The following SLC37A1 variants were observed in gnomAD, a reference collection of about 807,000 sequenced individuals.
The protein encoded by SLC37A1 is solute carrier family 37 member 1.
A neutral mutation model predicts 75.3 loss-of-function variants in SLC37A1; 49 were observed. The observed-to-expected ratio is 0.65, with a 90% confidence interval of 0.52 to 0.83. The LOEUF (loss-of-function observed/expected upper bound fraction) is 0.83, where lower values mean the gene tolerates loss of function less well. Ranked by LOEUF, SLC37A1 falls within the 40% of genes least tolerant of loss-of-function variation. The probability of loss-of-function intolerance (pLI) is 0.00; values close to 1 mark genes in which losing one functional copy is unlikely to be tolerated. For missense variants in SLC37A1, 566 were observed against 695.0 expected (o/e 0.81, Z 2.09); for synonymous variants, 268 against 292.1 (o/e 0.92, Z 0.84).
At chr21:42,579,915 T>C (rs1047741439) in intron 19 of SLC37A1, 115 bp downstream of exon 19, 8 of 934,364 alleles carry the variant, frequency 8.6e-6, no homozygotes, top group African/African-American at 6.5e-5. Flanking sequence ...GTGGCTTATC[T>C]TTTCACGGCA....
At chr21:42,517,962 G>A (rs2054554027) in intron 1 of SLC37A1, among the ~76,000 whole-genome samples, 1 of 152,148 alleles carries the variant, frequency 6.6e-6, no homozygotes, top group African/African-American at 2.4e-5. Flanking sequence ...ACACATACTT[G>A]GTTTTGTGAA....
Position 42,548,004 on chromosome 21 carries a change from G to A in SLC37A1, c.768+864G>A, listed in dbSNP as rs534251421. On this transcript the variant is annotated intron_variant, in intron 9 of 19. Transcript: ENST00000352133. This position sits in a 1 kb window ranked among gnomAD's most constrained non-coding sequence, Gnocchi z 5.6. ...CCTCACCCTGCTGGGCCCGTCGCCC[G>A]CGTCTGACCCAATGCTTCCCTCCCT... Among the ~76,000 whole-genome samples the A allele has an allele frequency of 1.3e-5, 2 of 152,108 alleles. No individual in the cohort carries two copies. Among genetic ancestry groups the A allele is most frequent in the Non-Finnish European group, 2.9e-5 (2 of 68,004 alleles).
rs770686952 is a variant in SLC37A1, at chr21:42,534,802, T to C, written c.243T>C (p.Asn81=). ...CTGCCCCCCACCAGCTCCCTGACAATGAGACCGACTGTGGCTGGGCACCGT... is the reference window on the plus strand; with the variant it reads ...CTGCCCCCCACCAGCTCCCTGACAACGAGACCGACTGTGGCTGGGCACCGT... ...GSAAPHQLPD[N]ETDCGWAPFD... is the part of the protein sequence containing the mutation. The change falls in exon 4 of 20, where the codon AAT becomes AAC. Residue 81 remains asparagine (N), a synonymous_variant. Coordinates refer to ENST00000352133, the MANE Select transcript of SLC37A1 (RefSeq NM_001320537.2). 4 of 1,613,830 alleles carry C rather than the reference T, an allele frequency of 2.5e-6. No individual in the cohort carries two copies. Among genetic ancestry groups the C allele is most frequent in the Non-Finnish European group, 3.4e-6 (4 of 1,179,900 alleles).
At chr21:42,575,636 C>T (rs2056292250) in intron 18 of SLC37A1, 2 of 985,520 alleles carry the variant, frequency 2.0e-6, no homozygotes, top group Non-Finnish European at 2.4e-6. Flanking sequence ...ACAAAGTCCC[C>T]AGACCCACAG....
In SLC37A1 at chr21:42,539,621, A is replaced by G. The variant is rs1360302321; in HGVS notation, c.460A>G (p.Ser154Gly). The change falls in exon 6 of 20, where the codon AGT becomes GGT. Residue 154 changes from serine (S) to glycine (G), a missense_variant. Coordinates refer to ENST00000352133, the MANE Select transcript of SLC37A1 (RefSeq NM_001320537.2). Reference sequence around the variant, plus strand: ...CTTAGGGTATTTCTACAACATCCACAGTTTCGGATTCTACGTGGTAACTCA... The same window carrying G: ...CTTAGGGTATTTCTACAACATCCACGGTTTCGGATTCTACGTGGTAACTCA... ...FGLGYFYNIH[S>G]FGFYVVTQVI... 1.2e-6 allele frequency: 2 copies of G among 1,613,698 alleles called. No individual in the cohort carries two copies. Among genetic ancestry groups the G allele is most frequent in the African/African-American group, 2.7e-5 (2 of 75,020 alleles).
chr21:42,547,420 G>A lies in SLC37A1; in HGVS notation c.768+280G>A, dbSNP rs890944471. Reference sequence around the variant, plus strand: ...CTGGGCCCTGGCCAGGCCTCCTCAGGAGTGGAGACCTCCTGGTTTCCCCAG... The same window carrying A: ...CTGGGCCCTGGCCAGGCCTCCTCAGAAGTGGAGACCTCCTGGTTTCCCCAG... On this transcript the variant is annotated intron_variant, in intron 9 of 19. Transcript: ENST00000352133. The surrounding 1 kb of genome is among the most constrained non-coding windows in gnomAD (Gnocchi z 6.1). The A allele has an allele frequency of 2.6e-6, 1 of 386,242 alleles. No individual in the cohort carries two copies. Among genetic ancestry groups the A allele is most frequent in the African/African-American group, 2.1e-5 (1 of 48,690 alleles). The allele number at this position is 386,242 out of a possible 1,614,324, so 23.9% of individuals were successfully genotyped here.
intron 6 of SLC37A1, among the ~76,000 whole-genome samples, chr21:42,541,843 G>C (rs1412056440): frequency 6.6e-6 from 1 of 152,178 alleles, no homozygotes; most frequent in Non-Finnish European, 1.5e-5. Flanking sequence ...CCAGGCTCAA[G>C]CAATCCTCCC....
chr21:42,521,073 C>G (rs549124664), intron 2 of SLC37A1, among the ~76,000 whole-genome samples: 1 of 152,268 alleles, frequency 6.6e-6, no homozygotes, highest in South Asian at 2.1e-4. Flanking sequence ...TGCAGGGTAC[C>G]CAGCGCAGGC....
chr21:42,556,987 G>A (rs2146957062), intron 10 of SLC37A1, among the ~76,000 whole-genome samples: 1 of 152,316 alleles, frequency 6.6e-6, no homozygotes, highest in Non-Finnish European at 1.5e-5. Context: ...TGTGTCTGTG[G>A]CTTTAAACCA....
intron 3 of SLC37A1, among the ~76,000 whole-genome samples, chr21:42,534,041 G>A (rs1163300798): frequency 6.6e-6 from 1 of 152,144 alleles, no homozygotes; most frequent in Non-Finnish European, 1.5e-5. Flanking sequence ...TGCCCATAGG[G>A]GTAGTCATCC....
intron 13 of SLC37A1, 41 bp downstream of exon 13, chr21:42,563,918 G>A (rs370230370): frequency 5.6e-5 from 90 of 1,607,834 alleles, no homozygotes; most frequent in Non-Finnish European, 6.5e-5. Context: ...CAATAATTTC[G>A]CAAGGCGCAT....
At chr21:42,562,006 ACT>A (rs1185726790) in intron 11 of SLC37A1, 70 bp from the exon 12 acceptor site, 6 of 1,241,094 alleles carry the variant, frequency 4.8e-6, no homozygotes, top group Non-Finnish European at 7.1e-6. Flanking sequence ...GTCATATTTA[ACT>A]CTGTTGCATG....
intron 7 of SLC37A1, 138 bp downstream of exon 7, chr21:42,542,618 A>G: frequency 3.7e-6 from 3 of 818,422 alleles, no homozygotes; most frequent in Non-Finnish European, 5.7e-6. Context: ...TGGGGCTTGA[A>G]TTGCTGAAAT....
At chr21:42,543,740 C>A (rs2055341308) in intron 8 of SLC37A1, 138 bp downstream of exon 8, 5 of 796,590 alleles carry the variant, frequency 6.3e-6, no homozygotes, top group Non-Finnish European at 9.5e-6. Flanking sequence ...GCTCTTCTTA[C>A]CAGGGAGACT....
At chr21:42,530,053 A>AT (rs890914942) in intron 3 of SLC37A1, among the ~76,000 whole-genome samples, 53 of 152,328 alleles carry the variant, frequency 3.5e-4, no homozygotes, top group African/African-American at 1.2e-3. Context: ...GGAAAAAAAA[A>AT]CAATGCTGGA....
intron 2 of SLC37A1, among the ~76,000 whole-genome samples, chr21:42,507,110 T>G (rs2054390685): frequency 6.6e-6 from 1 of 152,196 alleles, no homozygotes; most frequent in South Asian, 2.1e-4. Flanking sequence ...CTTGAACTCG[T>G]GAGCTCAGGC....
chr21:42,574,220 C>T (rs1445295903), intron 17 of SLC37A1, among the ~76,000 whole-genome samples: 2 of 152,198 alleles, frequency 1.3e-5, no homozygotes, highest in Non-Finnish European at 2.9e-5. Flanking sequence ...ATATTAGTAT[C>T]TACAATTCTT....
intron 3 of SLC37A1, among the ~76,000 whole-genome samples, chr21:42,533,805 G>A (rs2055060625): frequency 6.6e-6 from 1 of 152,306 alleles, no homozygotes; most frequent in Admixed American, 6.5e-5. Context: ...CGAGGCAGGG[G>A]CAGCAAGTAA....
At chr21:42,576,094 A>C in intron 18 of SLC37A1, 29 of 398,490 alleles carry the variant, frequency 7.3e-5, no homozygotes, top group South Asian at 3.1e-4. Context: ...ACACAAGCTC[A>C]GGAATCAACG....
Sources: allele counts gnomAD v4.1 joint callset (sites outside exome capture counted in the v4.1 genomes callset), GRCh38; gene constraint gnomAD v4.1.1; non-coding constraint Gnocchi (gnomAD v3.1); transcripts MANE v1.5; gene names NCBI Gene and HGNC (gene_info 2026-07-23, HGNC 2026-07-21).